The following ATG7 variants were observed in gnomAD, a reference collection of about 807,000 sequenced individuals.
ATG7 encodes ubiquitin-like modifier-activating enzyme ATG7.
Under a neutral mutation model 82.4 loss-of-function variants are expected in ATG7, and 70 were observed. The observed-to-expected ratio is 0.85, with a 90% confidence interval of 0.70 to 1.04. The LOEUF (loss-of-function observed/expected upper bound fraction) is 1.04, where lower values mean the gene tolerates loss of function less well. Ranked by LOEUF, ATG7 falls within the 50% of genes least tolerant of loss-of-function variation. The pLI is 0.00. For missense variants in ATG7, 792 were observed against 864.3 expected (o/e 0.92, Z 1.05); for synonymous variants, 287 against 313.0 (o/e 0.92, Z 0.88).
chr3:11,311,622 A>G (rs951480699), intron 7 of ATG7, among the ~76,000 whole-genome samples: 46 of 150,806 alleles, frequency 3.1e-4, no homozygotes, highest in African/African-American at 1.1e-3. Flanking sequence ...AAAAAAAAAG[A>G]TTTTGTGAGT....
intron 1 of ATG7, among the ~76,000 whole-genome samples, chr3:11,275,211 A>G (rs1352247485): frequency 2.0e-5 from 3 of 152,138 alleles, no homozygotes; most frequent in Non-Finnish European, 4.4e-5. Context: ...TGTGGAATTG[A>G]GCAGTAACAA....
intron 16 of ATG7, among the ~76,000 whole-genome samples, chr3:11,361,373 C>T (rs138191787): frequency 3.4e-4 from 52 of 152,016 alleles, no homozygotes; most frequent in African/African-American, 1.1e-3. Flanking sequence ...CAACCTCTGC[C>T]TCCTGGGTTC....
chr3:11,467,581 C>T (rs1049164691), intron 20 of ATG7, among the ~76,000 whole-genome samples: 3 of 151,986 alleles, frequency 2.0e-5, no homozygotes, highest in African/African-American at 4.8e-5. Flanking sequence ...TCACCATGTT[C>T]GCCAGGCTGG....
At chr3:11,498,666 T>G (rs115757856) in intron 20 of ATG7, among the ~76,000 whole-genome samples, 2,085 of 152,340 alleles carry the variant, frequency 0.014, 30 homozygotes, top group Middle Eastern at 0.027. Flanking sequence ...GTGTCCTCAC[T>G]GACTCCAGAA....
intron 20 of ATG7, among the ~76,000 whole-genome samples, chr3:11,439,704 G>T (rs1425966782): frequency 6.6e-6 from 1 of 152,190 alleles, no homozygotes. Context: ...CTCCAGGGAA[G>T]AGTTAGGTTT....
chr3:11,478,988 C>CAGCACACACA (rs1553688565), intron 20 of ATG7, among the ~76,000 whole-genome samples: 1 of 46,018 alleles, frequency 2.2e-5, no homozygotes, highest in Non-Finnish European at 3.6e-5. Flanking sequence ...TGTATATTTA[C>CAGCACACACA]AACACACACA....
At chr3:11,313,203 C>A in intron 7 of ATG7, 101 bp from the exon 8 acceptor site, 1 of 671,036 alleles carries the variant, frequency 1.5e-6, no homozygotes. Flanking sequence ...GTTTGCATAG[C>A]TTTGCTATCT....
chr3:11,547,684 T>C (rs576708153), intron 20 of ATG7, among the ~76,000 whole-genome samples: 1 of 152,358 alleles, frequency 6.6e-6, no homozygotes, highest in South Asian at 2.1e-4. Context: ...CAACACTTAC[T>C]ATGATCTGGC....
chr3:11,575,766 G>A, the ATG7 span, among the ~76,000 whole-genome samples: 1 of 152,226 alleles, frequency 6.6e-6, no homozygotes, highest in Non-Finnish European at 1.5e-5. Flanking sequence ...GCTAGAATGA[G>A]GCGTAAAGTC....
downstream of ATG7, chr3:11,559,587 A>G: frequency 7.6e-7 from 1 of 1,320,006 alleles, no homozygotes; most frequent in Non-Finnish European, 1.0e-6. Context: ...TCCCACTTCA[A>G]TACTGGAGTC....
chr3:11,375,501 A>G (rs973667592), intron 18 of ATG7, among the ~76,000 whole-genome samples: 1 of 152,210 alleles, frequency 6.6e-6, no homozygotes, highest in African/African-American at 2.4e-5. Flanking sequence ...AAGAGACAAC[A>G]ACAGGTGTTG....
rs190722314 is a variant in ATG7, at chr3:11,521,577, G to A, written c.2080-33234G>A. On this transcript the variant is annotated intron_variant, in intron 20 of 20. Transcript: ENST00000693202. ...TTTTTGTTTTTTTTTTTTTAAGACG[G>A]AGTCTCGCTCTGTCACCCAGGCTGG... Among the ~76,000 whole-genome samples the A allele has an allele frequency of 2.8e-3, 414 of 150,364 alleles. 1 individual carries two copies. The highest frequency in any genetic ancestry group is 4.8e-3 in the South Asian group (23 of 4,768).
intron 20 of ATG7, among the ~76,000 whole-genome samples, chr3:11,548,181 T>C (rs573730588): frequency 2.0e-5 from 3 of 152,194 alleles, no homozygotes; most frequent in Non-Finnish European, 4.4e-5. Flanking sequence ...CTTTTTATTA[T>C]TGCGTTGTAA....
intron 20 of ATG7, among the ~76,000 whole-genome samples, chr3:11,498,101 T>TA: frequency 6.6e-6 from 1 of 152,328 alleles, no homozygotes; most frequent in South Asian, 2.1e-4. Flanking sequence ...ATCCTGACTC[T>TA]CAATCCAGTA....
chr3:11,495,730 G>A (rs2090776406), intron 20 of ATG7, among the ~76,000 whole-genome samples: 1 of 152,190 alleles, frequency 6.6e-6, no homozygotes, highest in Admixed American at 6.5e-5. Context: ...AACAGCCGTG[G>A]ATATCACCAA....
chr3:11,449,271 C>G (rs2084876495), intron 20 of ATG7, among the ~76,000 whole-genome samples: 1 of 152,152 alleles, frequency 6.6e-6, no homozygotes, highest in African/African-American at 2.4e-5. Context: ...ATTCAGGAGG[C>G]TGGGGTGGGA....
At chr3:11,402,778 AT>A (rs1402947667) in intron 19 of ATG7, among the ~76,000 whole-genome samples, 4 of 152,158 alleles carry the variant, frequency 2.6e-5, no homozygotes, top group African/African-American at 9.7e-5. Context: ...AATATAACAC[AT>A]TTTTTAACAA....
chr3:11,329,903 C>T (rs555940124), intron 9 of ATG7, among the ~76,000 whole-genome samples: 1 of 152,336 alleles, frequency 6.6e-6, no homozygotes, highest in South Asian at 2.1e-4. Flanking sequence ...CATTGCAATT[C>T]GTTGTCATGT....
chr3:11,421,745 C>A (rs1460760799), intron 19 of ATG7, among the ~76,000 whole-genome samples: 3 of 152,096 alleles, frequency 2.0e-5, no homozygotes, highest in Non-Finnish European at 2.9e-5. Context: ...GAGAAATCAC[C>A]CTGTATGGCA....
Sources: gnomAD v4.1 joint callset for allele counts (sites outside exome capture counted in the v4.1 genomes callset) on GRCh38, gnomAD v4.1.1 for gene constraint, MANE v1.5 for transcripts, NCBI Gene and HGNC (gene_info 2026-07-23, HGNC 2026-07-21) for gene names.